The following PEX5L variants were observed in gnomAD, a reference collection of about 807,000 sequenced individuals.
PEX5L encodes PEX5-related protein.
A neutral mutation model predicts 84.0 loss-of-function variants in PEX5L; 30 were observed. That is an observed-to-expected ratio of 0.36 (90% CI 0.27 to 0.48). The LOEUF (loss-of-function observed/expected upper bound fraction) is 0.48. Among genes scored for constraint, PEX5L ranks in the 20% least tolerant of loss-of-function variants. The probability of loss-of-function intolerance (pLI) is 0.99; values close to 1 mark genes in which losing one functional copy is unlikely to be tolerated. For missense variants in PEX5L, 533 were observed against 754.6 expected (o/e 0.71, Z 3.44); for synonymous variants, 270 against 283.1 (o/e 0.95, Z 0.46).
intron 8 of PEX5L, among the ~76,000 whole-genome samples, chr3:179,853,962 C>T (rs1328591128): frequency 1.3e-5 from 2 of 150,192 alleles, no homozygotes; most frequent in African/African-American, 4.9e-5. Context: ...CAAGTACGTG[C>T]CACCATGACT....
At chr3:179,999,247 G>A (rs1049942254) in intron 1 of PEX5L, among the ~76,000 whole-genome samples, 1 of 152,218 alleles carries the variant, frequency 6.6e-6, no homozygotes, top group Admixed American at 6.5e-5. Context: ...GAAGAAATTT[G>A]TATCCCATGT....
chr3:179,825,099 A>G (rs1729946067), intron 8 of PEX5L, among the ~76,000 whole-genome samples: 1 of 152,176 alleles, frequency 6.6e-6, no homozygotes, highest in Non-Finnish European at 1.5e-5. Flanking sequence ...TCATTGACAA[A>G]CTGGAATCTC....
intron 2 of PEX5L, among the ~76,000 whole-genome samples, chr3:179,969,816 CTG>C (rs1340366565): frequency 1.3e-5 from 2 of 152,132 alleles, no homozygotes; most frequent in Admixed American, 1.3e-4. Context: ...AACAGCGACT[CTG>C]AGAAAATTGA....
chr3:179,999,483 T>C (rs538652535), intron 1 of PEX5L, among the ~76,000 whole-genome samples: 32 of 152,106 alleles, frequency 2.1e-4, no homozygotes, highest in African/African-American at 7.7e-4. Context: ...CACTGCTGAG[T>C]GCCCAATTTG....
At chr3:179,854,982 G>T (rs72622578) in intron 8 of PEX5L, among the ~76,000 whole-genome samples, 22,197 of 152,196 alleles carry the variant, frequency 0.15, 1,663 homozygotes, top group Middle Eastern at 0.29. Flanking sequence ...TATTGGCAAT[G>T]CAGCTAAAAT....
intron 2 of PEX5L, among the ~76,000 whole-genome samples, chr3:179,927,762 A>G (rs1434907140): frequency 6.6e-6 from 1 of 152,158 alleles, no homozygotes; most frequent in Non-Finnish European, 1.5e-5. Flanking sequence ...TAACCTTGCA[A>G]GCTAAGTTAA....
At chr3:179,954,204 CGG>C (rs542442468) in intron 2 of PEX5L, among the ~76,000 whole-genome samples, 2 of 89,564 alleles carry the variant, frequency 2.2e-5, no homozygotes, top group African/African-American at 8.5e-5. Flanking sequence ...AACCATTAGT[CGG>C]GGGGGGGGGA....
chr3:179,982,832 C>T (rs552682029), intron 1 of PEX5L, among the ~76,000 whole-genome samples: 1 of 152,078 alleles, frequency 6.6e-6, no homozygotes, highest in East Asian at 1.9e-4. Flanking sequence ...TGAAGCAAGG[C>T]TTTAGTAAGG....
intron 14 of PEX5L, among the ~76,000 whole-genome samples, chr3:179,802,652 C>T (rs1719497991): frequency 6.6e-6 from 1 of 151,862 alleles, no homozygotes; most frequent in Non-Finnish European, 1.5e-5. Flanking sequence ...TTCGATTTTC[C>T]TCTGCTCTAG....
At chr3:179,876,052 A>G (rs1752282303) in intron 5 of PEX5L, among the ~76,000 whole-genome samples, 1 of 152,202 alleles carries the variant, frequency 6.6e-6, no homozygotes, top group Non-Finnish European at 1.5e-5. Context: ...GAAAGGAGGC[A>G]ATGAGGACAG....
intron 2 of PEX5L, among the ~76,000 whole-genome samples, chr3:179,918,927 A>AT (rs1260440738): frequency 2.0e-5 from 3 of 152,072 alleles, no homozygotes; most frequent in African/African-American, 4.8e-5. Context: ...AAAAGATAAG[A>AT]TTTTTTCAGA....
At chr3:179,904,537 G>A (rs1470973086) in intron 2 of PEX5L, among the ~76,000 whole-genome samples, 2 of 152,092 alleles carry the variant, frequency 1.3e-5, no homozygotes, top group African/African-American at 4.8e-5. Context: ...TTGGAGCAGG[G>A]TGAGATTATG....
intron 7 of PEX5L, among the ~76,000 whole-genome samples, chr3:179,869,066 C>T (rs1191105224): frequency 6.6e-6 from 1 of 152,166 alleles, no homozygotes; most frequent in Non-Finnish European, 1.5e-5. Context: ...GGAATTAAGA[C>T]TATGTGAATG....
At chr3:179,935,928 C>T (rs1405764622) in intron 2 of PEX5L, among the ~76,000 whole-genome samples, 1 of 152,156 alleles carries the variant, frequency 6.6e-6, no homozygotes, top group African/African-American at 2.4e-5. Flanking sequence ...ACCCACTTTC[C>T]CTTCTGCTTC....
chr3:180,009,738 C>T (rs9859362), intron 1 of PEX5L, among the ~76,000 whole-genome samples: 2,580 of 151,900 alleles, frequency 0.017, 80 homozygotes, highest in African/African-American at 0.059. Flanking sequence ...CTTTTCAACA[C>T]TTGTCATTCT....
chr3:180,031,934 CAT>C (rs35779081), intron 1 of PEX5L, among the ~76,000 whole-genome samples: 50,438 of 151,960 alleles, frequency 0.33, 10,762 homozygotes, highest in African/African-American at 0.62. Context: ...CTTTCAAACA[CAT>C]GTTTTTAGGA....
intron 3 of PEX5L, chr3:179,896,016 A>G (rs1207549245): frequency 6.6e-6 from 1 of 152,156 alleles, no homozygotes; most frequent in Non-Finnish European, 1.5e-5. Flanking sequence ...AGACAGTAGT[A>G]GTACATTCAC....
chr3:179,889,521 G>T (rs1166039598), intron 3 of PEX5L, among the ~76,000 whole-genome samples: 1 of 152,178 alleles, frequency 6.6e-6, no homozygotes, highest in Admixed American at 6.5e-5. Context: ...TGGGCTTTGA[G>T]AACGCTTTTC....
intron 9 of PEX5L, among the ~76,000 whole-genome samples, chr3:179,818,445 G>T (rs1727032131): frequency 6.6e-6 from 1 of 151,980 alleles, no homozygotes; most frequent in Non-Finnish European, 1.5e-5. Context: ...GTGTTATAAA[G>T]AATCCAATTA....
Sources: allele counts gnomAD v4.1 joint callset (sites outside exome capture counted in the v4.1 genomes callset), GRCh38; gene constraint gnomAD v4.1.1; transcripts MANE v1.5; gene names NCBI Gene and HGNC (gene_info 2026-07-23, HGNC 2026-07-21).